The following KLF12 variants were observed in gnomAD, a reference collection of about 807,000 sequenced individuals.
The protein encoded by KLF12 is KLF transcription factor 12.
Under a neutral mutation model 37.8 loss-of-function variants are expected in KLF12, and 9 were observed. The observed-to-expected ratio is 0.24, with a 90% CI of 0.14 to 0.42. The LOEUF (loss-of-function observed/expected upper bound fraction) is 0.42. Ranked by LOEUF, KLF12 falls within the 10% of genes least tolerant of loss-of-function variation. KLF12 has a pLI of 1.00. For synonymous variants in KLF12, 208 were observed against 202.1 expected (o/e 1.03, Z -0.25); for missense variants, 411 against 516.0 (o/e 0.80, Z 1.97).
chr13:73,985,723 G>T (rs1891810141), intron 2 of KLF12, among the ~76,000 whole-genome samples: 1 of 152,118 alleles, frequency 6.6e-6, no homozygotes, highest in East Asian at 1.9e-4. Context: ...TATTAAAACT[G>T]CAAAAGGCCC....
chr13:74,020,191 T>C (rs1892805691), intron 1 of KLF12, among the ~76,000 whole-genome samples: 1 of 152,254 alleles, frequency 6.6e-6, no homozygotes, highest in Non-Finnish European at 1.5e-5. Context: ...TTGGGTTTTT[T>C]TCCAATTACA....
At chr13:73,828,845 CT>C (rs1883993725) in intron 4 of KLF12, among the ~76,000 whole-genome samples, 1 of 152,146 alleles carries the variant, frequency 6.6e-6, no homozygotes. Flanking sequence ...AACTTATCTA[CT>C]TGTCGAATCT....
At chr13:74,248,245 A>G in the KLF12 span, among the ~76,000 whole-genome samples, 2 of 152,204 alleles carry the variant, frequency 1.3e-5, no homozygotes, top group East Asian at 3.9e-4. Flanking sequence ...CTCTGGAAGC[A>G]TTCAGATTTT....
At chr13:73,847,069 A>T (rs1014594709) in intron 3 of KLF12, among the ~76,000 whole-genome samples, 18 of 152,112 alleles carry the variant, frequency 1.2e-4, no homozygotes, top group African/African-American at 4.1e-4. Context: ...AATGAGCAAA[A>T]TTTGATAATA....
Position 73,939,549 on chromosome 13 carries a change from T to C in KLF12, c.123+4432A>G, listed in dbSNP as rs1890098076. ...TCAGATCTACCTACCCTATGTCTAC[T>C]TGGAGAATTATGAATTAACATAGAT... On this transcript the variant is annotated intron_variant, in intron 3 of 7. Transcript: ENST00000377669. Among the ~76,000 whole-genome samples, 4 of 152,180 alleles carry C rather than the reference T, an allele frequency of 2.6e-5. No individual in the cohort carries two copies. The South Asian group carries it at 8.3e-4, about 32-fold the overall frequency.
Position 73,944,791 on chromosome 13 carries a change from T to A in KLF12, c.34-721A>T, listed in dbSNP as rs188740057. 4.1e-4 allele frequency among the ~76,000 whole-genome samples: 62 copies of A among 152,312 alleles called. No homozygotes were observed. The East Asian group carries it at 7.5e-3, about 18-fold the overall frequency. On this transcript the variant is annotated intron_variant, in intron 2 of 7. Transcript: ENST00000377669. ...CAAACACCATTTATAAAAGATTAAATCAAGGTTATTTTCTACGTAATTGTC... is the reference window on the plus strand; with the variant it reads ...CAAACACCATTTATAAAAGATTAAAACAAGGTTATTTTCTACGTAATTGTC...
chr13:73,756,587 A>G (rs960812255), intron 6 of KLF12, among the ~76,000 whole-genome samples: 2 of 152,194 alleles, frequency 1.3e-5, no homozygotes, highest in African/African-American at 4.8e-5. Flanking sequence ...CTTGTCATGG[A>G]AAAGCTACTA....
At chr13:74,161,394 A>T in the KLF12 span, among the ~76,000 whole-genome samples, 2 of 152,026 alleles carry the variant, frequency 1.3e-5, no homozygotes, top group South Asian at 4.2e-4. Context: ...CTTTGCAGGG[A>T]AAAAGAGAGG....
intron 4 of KLF12, among the ~76,000 whole-genome samples, chr13:73,827,076 T>A (rs2138549531): frequency 6.6e-6 from 1 of 152,324 alleles, no homozygotes; most frequent in East Asian, 1.9e-4. Context: ...CCTCCGCAAC[T>A]GGCCAACAAT....
chr13:73,744,645 C>T (rs879257176), intron 6 of KLF12, among the ~76,000 whole-genome samples: 2 of 151,936 alleles, frequency 1.3e-5, no homozygotes, highest in African/African-American at 2.4e-5. Flanking sequence ...GCTATAGAGC[C>T]CCAGGGCTTC....
chr13:73,980,075 G>A (rs937056270), intron 2 of KLF12, among the ~76,000 whole-genome samples: 5 of 152,112 alleles, frequency 3.3e-5, no homozygotes, highest in Admixed American at 6.6e-5. Context: ...AATAAATTTC[G>A]GTTGTTTAAG....
chr13:74,258,362 C>G, the KLF12 span: 2 of 152,082 alleles, frequency 1.3e-5, no homozygotes, highest in African/African-American at 4.8e-5. Context: ...TTTCTTTCCC[C>G]TAAGTCTCAG....
At chr13:73,811,663 C>T (rs933404473) in intron 5 of KLF12, among the ~76,000 whole-genome samples, 3 of 152,150 alleles carry the variant, frequency 2.0e-5, no homozygotes, top group African/African-American at 7.2e-5. Flanking sequence ...TTCTGATTTT[C>T]TTCTCACCTC....
intron 1 of KLF12, among the ~76,000 whole-genome samples, chr13:74,050,410 C>T (rs555285019): frequency 1.3e-5 from 2 of 152,076 alleles, no homozygotes; most frequent in African/African-American, 4.8e-5. Context: ...GAAGAGAGTA[C>T]ACAAAGAAGG....
intron 3 of KLF12, among the ~76,000 whole-genome samples, chr13:73,887,122 T>C (rs1887267203): frequency 1.3e-5 from 2 of 152,074 alleles, no homozygotes; most frequent in Non-Finnish European, 2.9e-5. Context: ...ACACCAAAAA[T>C]CTTCAAAAAT....
intron 3 of KLF12, among the ~76,000 whole-genome samples, chr13:73,871,643 A>G (rs371348815): frequency 2.0e-4 from 30 of 152,218 alleles, no homozygotes; most frequent in African/African-American, 6.7e-4. Context: ...GCTATCTCTG[A>G]ACACAATTTT....
rs1593965484 is a variant in KLF12 at position 73,695,373 on chromosome 13, G to A, written c.*117C>T. The A allele has an allele frequency of 9.3e-5, 91 of 979,130 alleles. No homozygotes were observed. In the South Asian group the frequency reaches 1.5e-3, roughly 16 times the overall value. 60.7% of individuals were successfully genotyped at this position (979,130 alleles called of 1,614,324 possible). A position where few individuals can be genotyped will look rare whatever the true frequency, so the allele number is the denominator to read the frequency against. ...CCTTCTTTTTCCTGCTCTGGTTTCA[G>A]ACATCGTGGGATGGTGATGCCCTTT... is the stretch of plus-strand genomic sequence containing the variant. On this transcript the variant is annotated 3_prime_UTR_variant, in exon 8 of 8. Transcript: ENST00000377669.
chr13:73,899,074 A>T (rs1403505300), intron 3 of KLF12, among the ~76,000 whole-genome samples: 1 of 152,272 alleles, frequency 6.6e-6, no homozygotes, highest in Non-Finnish European at 1.5e-5. Flanking sequence ...GATGTCTGAC[A>T]TCAGGGAATG....
chr13:73,864,014 A>G (rs1886055191), intron 3 of KLF12, among the ~76,000 whole-genome samples: 1 of 152,160 alleles, frequency 6.6e-6, no homozygotes, highest in African/African-American at 2.4e-5. Context: ...GTGGAAATGG[A>G]TTAAATAGAA....
Sources: allele counts gnomAD v4.1 joint callset (sites outside exome capture counted in the v4.1 genomes callset), GRCh38; gene constraint gnomAD v4.1.1; transcripts MANE v1.5; gene names NCBI Gene and HGNC (gene_info 2026-07-23, HGNC 2026-07-21).